The following SCML2 variants were observed in gnomAD, a reference collection of about 807,000 sequenced individuals.
The protein encoded by SCML2 is Scm polycomb group protein like 2.
Under a neutral mutation model 48.4 loss-of-function variants are expected in SCML2, and 6 were observed. The observed-to-expected ratio is 0.12, with a 90% CI of 0.07 to 0.24. The LOEUF is 0.24. SCML2 is among the 10% of genes least tolerant of loss of function. The pLI, the probability that SCML2 is intolerant of heterozygous loss-of-function variation, is 1.00. For missense variants in SCML2, 377 were observed against 528.2 expected, an observed-to-expected ratio of 0.71 and a Z score of 2.81; for synonymous variants, 181 against 189.5, an observed-to-expected ratio of 0.95 and a Z score of 0.37.
intron 5 of SCML2, among the ~76,000 whole-genome samples, chrX:18,321,908 A>G (rs1335915690): frequency 8.9e-6 from 1 of 111,784 alleles, no homozygotes; most frequent in East Asian, 2.8e-4. Context: ...GGAAGTATAG[A>G]TGGTAGTACC....
rs139806386 is a variant in SCML2 at position 18,269,288 on chromosome X, C to T, written c.731-3486G>A. On this transcript the variant is annotated intron_variant, in intron 7 of 14. Coordinates refer to ENST00000251900, the MANE Select transcript of SCML2 (RefSeq NM_006089.3). ...GGTGGAGGAAATTGAATCATGGAGG[C>T]GGTTTCCCCCATGCTGTTCTCGTGA... Among the ~76,000 whole-genome samples, 603 of 111,299 alleles carry T rather than the reference C, an allele frequency of 5.4e-3. 2 individuals are homozygous for T. Among genetic ancestry groups the T allele is most frequent in the Middle Eastern group, 0.023 (5 of 217 alleles).
At chrX:18,329,993 G>A (rs376110413) in intron 3 of SCML2, among the ~76,000 whole-genome samples, 6 of 111,940 alleles carry the variant, frequency 5.4e-5, no homozygotes, top group African/African-American at 1.9e-4. Flanking sequence ...CACAAAAATC[G>A]CTTGAACCCG....
intron 7 of SCML2, among the ~76,000 whole-genome samples, chrX:18,271,695 T>G (rs1927468587): frequency 9.2e-6 from 1 of 108,646 alleles, no homozygotes; most frequent in Non-Finnish European, 1.9e-5. Flanking sequence ...AAACTGCCGA[T>G]AGTATCAGAC....
At chrX:18,248,269 C>T (rs1460422259) in intron 11 of SCML2, among the ~76,000 whole-genome samples, 2 of 111,770 alleles carry the variant, frequency 1.8e-5, no homozygotes, top group Non-Finnish European at 3.8e-5. Flanking sequence ...ATATAATGAA[C>T]ATCCATTTTG....
chrX:18,297,055 T>C (rs895071270), intron 7 of SCML2, among the ~76,000 whole-genome samples: 4 of 111,853 alleles, frequency 3.6e-5, no homozygotes, highest in African/African-American at 6.5e-5. Flanking sequence ...CAAGTAGGAT[T>C]TGTCCCAAGG....
intron 1 of SCML2, among the ~76,000 whole-genome samples, chrX:18,337,100 G>C (rs759377416): frequency 1.8e-5 from 2 of 109,274 alleles, no homozygotes. Flanking sequence ...TCAGGAGTCC[G>C]AGACCAGCCT....
intron 6 of SCML2, among the ~76,000 whole-genome samples, chrX:18,317,091 T>TA (rs1193571722): frequency 1.8e-5 from 2 of 112,011 alleles, no homozygotes; most frequent in Admixed American, 9.4e-5. Context: ...TTATAATTTT[T>TA]AAAATTTTTT....
chrX:18,313,931 C>T (rs899808671), intron 6 of SCML2, among the ~76,000 whole-genome samples: 3 of 111,343 alleles, frequency 2.7e-5, no homozygotes, highest in Non-Finnish European at 5.6e-5. Context: ...CATGCAGTAG[C>T]GAGATCATGG....
intron 8 of SCML2, among the ~76,000 whole-genome samples, chrX:18,261,982 T>C (rs1429642670): frequency 9.1e-6 from 1 of 110,032 alleles, no homozygotes; most frequent in Non-Finnish European, 1.9e-5. Flanking sequence ...TTTTATTTTG[T>C]AAATTTTGAG....
chrX:18,333,533 G>C (rs1929718320), intron 2 of SCML2, among the ~76,000 whole-genome samples: 1 of 111,896 alleles, frequency 8.9e-6, no homozygotes, highest in African/African-American at 3.2e-5. Flanking sequence ...TAAGAATCTA[G>C]TCAAGAGACT....
At chrX:18,349,040 C>T (rs1211674873) in intron 1 of SCML2, among the ~76,000 whole-genome samples, 1 of 112,219 alleles carries the variant, frequency 8.9e-6, no homozygotes, top group African/African-American at 3.2e-5. Flanking sequence ...ACCAGTTAAT[C>T]TTTATGAGAA....
At chrX:18,255,021 C>T (rs1223553805) in intron 11 of SCML2, among the ~76,000 whole-genome samples, 2 of 111,317 alleles carry the variant, frequency 1.8e-5, no homozygotes, top group Non-Finnish European at 1.9e-5. Context: ...AATACACAGA[C>T]ACCCCTCTTC....
At chrX:18,304,951 A>G in intron 7 of SCML2, 21 bp downstream of exon 7, 1 of 1,192,465 alleles carries the variant, frequency 8.4e-7, no homozygotes, top group East Asian at 3.0e-5. Flanking sequence ...TAGAAGAAAA[A>G]GTAGTTAATT....
intron 7 of SCML2, among the ~76,000 whole-genome samples, chrX:18,290,432 A>G (rs1390823427): frequency 9.0e-6 from 1 of 111,379 alleles, no homozygotes; most frequent in African/African-American, 3.3e-5. Context: ...CTGCAACCTT[A>G]TACTCGGCAT....
intron 12 of SCML2, 110 bp from the exon 13 acceptor site, chrX:18,246,938 C>A: frequency 3.8e-6 from 3 of 786,593 alleles, no homozygotes; most frequent in Non-Finnish European, 5.5e-6. Flanking sequence ...TTGTGCTATA[C>A]TGAACCACAA....
intron 7 of SCML2, among the ~76,000 whole-genome samples, chrX:18,292,783 C>A (rs1266911036): frequency 9.0e-6 from 1 of 111,214 alleles, no homozygotes; most frequent in Non-Finnish European, 1.9e-5. Flanking sequence ...TCTAAAGGTA[C>A]ATATAGAAAT....
chrX:18,313,275 A>G (rs1349594546), intron 6 of SCML2, among the ~76,000 whole-genome samples: 2 of 110,113 alleles, frequency 1.8e-5, no homozygotes, highest in East Asian at 5.7e-4. Context: ...TGTGGGAGGG[A>G]CCCGGGGGAG....
intron 7 of SCML2, among the ~76,000 whole-genome samples, chrX:18,295,832 T>C (rs866054677): frequency 2.7e-5 from 3 of 112,288 alleles, no homozygotes; most frequent in South Asian, 3.7e-4. Context: ...GCCTAAGCCA[T>C]TGAGGAAATT....
At chrX:18,303,887 T>C (rs545743171) in intron 7 of SCML2, among the ~76,000 whole-genome samples, 1 of 112,373 alleles carries the variant, frequency 8.9e-6, no homozygotes, top group South Asian at 3.7e-4. Context: ...GCAAGAATAA[T>C]ATGGCTATAA....
Sources: allele counts gnomAD v4.1 joint callset (sites outside exome capture counted in the v4.1 genomes callset), GRCh38; gene constraint gnomAD v4.1.1; transcripts MANE v1.5; gene names NCBI Gene and HGNC (gene_info 2026-07-23, HGNC 2026-07-21).